MKLN1: variants seen among roughly 807,000 people sequenced by gnomAD.
MKLN1 encodes muskelin.
A neutral mutation model predicts 99.0 loss-of-function variants in MKLN1; 18 were observed. The observed-to-expected ratio is 0.18, with a 90% CI of 0.13 to 0.27. MKLN1 has a LOEUF of 0.27. Among genes scored for constraint, MKLN1 ranks in the 10% least tolerant of loss-of-function variants. MKLN1 has a pLI of 1.00. For missense variants in MKLN1, 621 were observed against 875.9 expected, an observed-to-expected ratio of 0.71 and a Z score of 3.67; for synonymous variants, 288 against 293.2, an observed-to-expected ratio of 0.98 and a Z score of 0.18.
intron 2 of MKLN1, among the ~76,000 whole-genome samples, chr7:131,184,301 T>A (rs1374525355): frequency 6.6e-6 from 1 of 152,310 alleles, no homozygotes; most frequent in East Asian, 1.9e-4. Context: ...TATTTTCTAA[T>A]GTCTTAATGC....
intron 6 of MKLN1, among the ~76,000 whole-genome samples, chr7:131,400,361 T>C (rs989869195): frequency 1.3e-5 from 2 of 151,882 alleles, no homozygotes; most frequent in African/African-American, 4.8e-5. Context: ...ATATGACAAA[T>C]CTGCTTCTAA....
intron 3 of MKLN1, among the ~76,000 whole-genome samples, chr7:131,256,041 G>A (rs1276425347): frequency 6.6e-6 from 1 of 151,722 alleles, no homozygotes; most frequent in African/African-American, 2.4e-5. Flanking sequence ...AAGTAGCTGG[G>A]ACTACAGACA....
intron 1 of MKLN1, among the ~76,000 whole-genome samples, chr7:131,328,520 G>A (rs1190898107): frequency 6.6e-6 from 1 of 152,174 alleles, no homozygotes; most frequent in African/African-American, 2.4e-5. Flanking sequence ...GTCACGGAAG[G>A]CTGAAAAGTT....
At chr7:131,280,916 G>A (rs976464218) in intron 3 of MKLN1, among the ~76,000 whole-genome samples, 5 of 152,104 alleles carry the variant, frequency 3.3e-5, no homozygotes, top group African/African-American at 1.2e-4. Flanking sequence ...TTGAGTAGTA[G>A]TAGGGTTTTA....
intron 4 of MKLN1, among the ~76,000 whole-genome samples, chr7:131,389,781 C>T (rs997649029): frequency 1.3e-4 from 20 of 151,444 alleles, no homozygotes; most frequent in Non-Finnish European, 2.2e-4. Flanking sequence ...CCCAGTTACT[C>T]GGGAAGCTGA....
intron 2 of MKLN1, among the ~76,000 whole-genome samples, chr7:131,145,855 T>G (rs1795808478): frequency 6.6e-6 from 1 of 152,252 alleles, no homozygotes; most frequent in African/African-American, 2.4e-5. Context: ...GTAAATTCCC[T>G]GACCCTGGTG....
chr7:131,485,711 T>C (rs915091313), intron 17 of MKLN1, among the ~76,000 whole-genome samples: 1 of 152,092 alleles, frequency 6.6e-6, no homozygotes, highest in Non-Finnish European at 1.5e-5. Context: ...AAACTGAATC[T>C]GATCATGAAG....
chr7:131,477,484 G>C (rs1030714543), intron 16 of MKLN1, among the ~76,000 whole-genome samples: 38 of 151,974 alleles, frequency 2.5e-4, no homozygotes, highest in African/African-American at 8.9e-4. Flanking sequence ...TCCCACCTTG[G>C]TGACAGAGCG....
At chr7:131,244,056 T>C (rs1381943904) in intron 3 of MKLN1, among the ~76,000 whole-genome samples, 1 of 151,982 alleles carries the variant, frequency 6.6e-6, no homozygotes, top group Non-Finnish European at 1.5e-5. Flanking sequence ...CACAAGATTC[T>C]CCAAATGTAA....
intron 3 of MKLN1, among the ~76,000 whole-genome samples, chr7:131,306,400 T>G (rs763501692): frequency 6.6e-6 from 1 of 152,172 alleles, no homozygotes; most frequent in African/African-American, 2.4e-5. Flanking sequence ...GTGGGAAAAT[T>G]TGGAACTTCT....
At chr7:131,199,356 C>G (rs562669252) in intron 2 of MKLN1, among the ~76,000 whole-genome samples, 159 of 151,592 alleles carry the variant, frequency 1.0e-3, no homozygotes, top group Non-Finnish European at 2.0e-3. Context: ...ATCCTGGGCT[C>G]AAGCAATCCT....
At chr7:131,481,703 T>C (rs536421243) in intron 17 of MKLN1, among the ~76,000 whole-genome samples, 23 of 152,212 alleles carry the variant, frequency 1.5e-4, no homozygotes, top group South Asian at 1.5e-3. Context: ...CTTGTTCTTA[T>C]TAATTTTCTG....
intron 1 of MKLN1, among the ~76,000 whole-genome samples, chr7:131,124,720 G>C (rs1395964529): frequency 6.6e-6 from 1 of 152,092 alleles, no homozygotes; most frequent in African/African-American, 2.4e-5. Context: ...TTTGGATGTG[G>C]GTCCCTTGTC....
At chr7:131,378,882 CTTTTT>C (rs912728269) in intron 2 of MKLN1, among the ~76,000 whole-genome samples, 1 of 128,782 alleles carries the variant, frequency 7.8e-6, no homozygotes. Context: ...AAAGCTGGGA[CTTTTT>C]TTTTTTTTTT....
chr7:131,412,398 G>T (rs1794907425), intron 7 of MKLN1, among the ~76,000 whole-genome samples: 1 of 152,126 alleles, frequency 6.6e-6, no homozygotes, highest in Non-Finnish European at 1.5e-5. Context: ...AAAGGCAGAA[G>T]ACCATTCTAA....
intron 3 of MKLN1, among the ~76,000 whole-genome samples, chr7:131,312,873 G>A (rs1798591966): frequency 6.6e-6 from 1 of 152,170 alleles, no homozygotes; most frequent in Non-Finnish European, 1.5e-5. Flanking sequence ...TGGAGACAAT[G>A]CCTGGAGGAT....
intron 8 of MKLN1, among the ~76,000 whole-genome samples, chr7:131,424,117 T>G (rs1563341165): frequency 6.6e-6 from 1 of 152,254 alleles, no homozygotes; most frequent in Non-Finnish European, 1.5e-5. Context: ...CATGTTAATT[T>G]AAGTCTTACT....
At chr7:131,311,725 A>G (rs966100332) in intron 3 of MKLN1, among the ~76,000 whole-genome samples, 2 of 152,204 alleles carry the variant, frequency 1.3e-5, no homozygotes, top group African/African-American at 4.8e-5. Context: ...CAAAGATTGC[A>G]AAAAGCAAAA....
At chr7:131,208,336 G>C (rs1246138171) in intron 3 of MKLN1, among the ~76,000 whole-genome samples, 1 of 152,200 alleles carries the variant, frequency 6.6e-6, no homozygotes, top group Non-Finnish European at 1.5e-5. Flanking sequence ...GCTCACACCT[G>C]TAATCCCAAT....
Sources: gnomAD v4.1 joint callset for allele counts (sites outside exome capture counted in the v4.1 genomes callset) on GRCh38, gnomAD v4.1.1 for gene constraint, MANE v1.5 for transcripts, NCBI Gene and HGNC (gene_info 2026-07-23, HGNC 2026-07-21) for gene names.